KAZN: variants seen among roughly 807,000 people sequenced by gnomAD.
KAZN encodes the protein kazrin, periplakin interacting protein.
A neutral mutation model predicts 87.4 loss-of-function variants in KAZN; 40 were observed. That is an observed-to-expected ratio of 0.46 (90% CI 0.36 to 0.60). The LOEUF is 0.60. Ranked by LOEUF, KAZN falls within the 20% of genes least tolerant of loss-of-function variation. The pLI, the probability that KAZN is intolerant of heterozygous loss-of-function variation, is 0.00. For synonymous variants in KAZN, 466 were observed against 458.3 expected, an observed-to-expected ratio of 1.02 and a Z score of -0.22; for missense variants, 898 against 1,073.9, an observed-to-expected ratio of 0.84 and a Z score of 2.29.
intron 2 of KAZN, among the ~76,000 whole-genome samples, chr1:14,346,080 C>G (rs1380505098): frequency 2.6e-5 from 4 of 152,188 alleles, no homozygotes; most frequent in Admixed American, 2.6e-4. Context: ...CTAGAAGTTT[C>G]CTGCTGTGCA....
chr1:13,935,096 G>T lies in KAZN; in HGVS notation c.91+41340G>T, dbSNP rs540383898. Reference sequence around the variant, plus strand: ...TACTAAAGATAGAAAAATTAGCCAGGTGTGGTGGCAGGTGCCTGTAATCCC... The same window carrying T: ...TACTAAAGATAGAAAAATTAGCCAGTTGTGGTGGCAGGTGCCTGTAATCCC... On this transcript the variant is annotated intron_variant, in intron 1 of 16. Transcript: ENST00000636203. 6.8e-4 allele frequency among the ~76,000 whole-genome samples: 104 copies of T among 151,954 alleles called. 1 individual carries two copies. The highest frequency in any genetic ancestry group is 2.4e-3 in the African/African-American group (98 of 41,350).
At chr1:14,377,210 C>T (rs1660984489) in intron 2 of KAZN, among the ~76,000 whole-genome samples, 2 of 152,186 alleles carry the variant, frequency 1.3e-5, no homozygotes, top group South Asian at 4.1e-4. Flanking sequence ...AACATGAGGG[C>T]AGGAATCAAC....
Position 15,094,682 on chromosome 1 carries a change from TGTGCCCTGACCCCACTGTATGAAAG to T in KAZN, c.1429-129_1429-105del. Reference sequence around the variant, plus strand: ...CACATCAGAGTTGCAGAGGTTTCCATGTGCCCTGACCCCACTGTATGAAAGGTGGGCAGGAGATGGGGAAGGAGCC... The same window carrying T: ...CACATCAGAGTTGCAGAGGTTTCCATGTGGGCAGGAGATGGGGAAGGAGCC... On this transcript the variant is annotated intron_variant, in intron 9 of 14. Coordinates refer to ENST00000376030, the MANE Select transcript of KAZN (RefSeq NM_201628.3). The surrounding 1 kb of genome is among the most constrained non-coding windows in gnomAD (Gnocchi z 4.5). 1 of 674,408 alleles carries T rather than the reference TGTGCCCTGACCCCACTGTATGAAAG, an allele frequency of 1.5e-6. No individual in the cohort carries two copies. Among genetic ancestry groups the T allele is most frequent in the Non-Finnish European group, 2.5e-6 (1 of 398,650 alleles). The allele number at this position is 674,408 out of a possible 1,614,324, so 41.8% of individuals were successfully genotyped here.
rs1019996465 is a variant in KAZN at position 14,476,168 on chromosome 1, A to G, written c.250-122815A>G. 3.3e-5 allele frequency among the ~76,000 whole-genome samples: 5 copies of G among 152,202 alleles called. No individual in the cohort carries two copies. The South Asian group carries it at 1.0e-3, about 32-fold the overall frequency. Reference sequence around the variant, plus strand: ...TTTGATTTCAGTGCTGGGACTCTCTACTATTTCCCTAGGCTGCTCCTTGGT... The same window carrying G: ...TTTGATTTCAGTGCTGGGACTCTCTGCTATTTCCCTAGGCTGCTCCTTGGT... On this transcript the variant is annotated intron_variant, in intron 2 of 16. Transcript: ENST00000636203.
intron 1 of KAZN, among the ~76,000 whole-genome samples, chr1:14,707,964 G>C (rs1003402045): frequency 2.6e-5 from 4 of 151,906 alleles, no homozygotes; most frequent in African/African-American, 9.7e-5. Context: ...TGAATCACCC[G>C]GCCAAGCATT....
chr1:15,070,482 G>A (rs1002411811), intron 8 of KAZN, among the ~76,000 whole-genome samples: 3 of 152,160 alleles, frequency 2.0e-5, no homozygotes, highest in Non-Finnish European at 4.4e-5. Context: ...CTGAGGGGTA[G>A]TGCAGCCCCC....
intron 2 of KAZN, among the ~76,000 whole-genome samples, chr1:14,224,003 G>T (rs1225613328): frequency 5.3e-5 from 8 of 152,142 alleles, no homozygotes; most frequent in Admixed American, 5.2e-4. Context: ...AGGGCACAGG[G>T]CACTAGCTTC....
At chr1:13,955,095 A>G (rs1057234477) in intron 1 of KAZN, among the ~76,000 whole-genome samples, 5 of 152,190 alleles carry the variant, frequency 3.3e-5, no homozygotes, top group African/African-American at 4.8e-5. Flanking sequence ...ATTTTTGCAT[A>G]CCTGCACTTG....
At chr1:14,202,698 A>G (rs1344517308) in intron 2 of KAZN, among the ~76,000 whole-genome samples, 1 of 152,154 alleles carries the variant, frequency 6.6e-6, no homozygotes, top group Non-Finnish European at 1.5e-5. Context: ...CATATATTAC[A>G]GGTAAGTCAC....
chr1:14,453,318 G>T (rs1245836804), intron 2 of KAZN, among the ~76,000 whole-genome samples: 1 of 152,122 alleles, frequency 6.6e-6, no homozygotes, highest in Non-Finnish European at 1.5e-5. Flanking sequence ...ATGAGTAAAG[G>T]GAAATGTGTC....
intron 1 of KAZN, among the ~76,000 whole-genome samples, chr1:14,845,559 GTGGATGGATGGA>G (rs112956559): frequency 1.4e-4 from 21 of 145,434 alleles, no homozygotes; most frequent in South Asian, 2.2e-4. Flanking sequence ...AGATGGGTGG[GTGGATGGATGGA>G]TGGATGGATG....
intron 2 of KAZN, among the ~76,000 whole-genome samples, chr1:14,503,371 C>G (rs1263604718): frequency 6.6e-6 from 1 of 150,964 alleles, no homozygotes; most frequent in African/African-American, 2.4e-5. Context: ...GTGGTCCCAG[C>G]TACTCGGGAG....
intron 2 of KAZN, among the ~76,000 whole-genome samples, chr1:14,583,523 G>C (rs539743917): frequency 6.6e-6 from 1 of 152,326 alleles, no homozygotes; most frequent in South Asian, 2.1e-4. Flanking sequence ...GAGCTCCAGA[G>C]CTGGCCTTTC....
At chr1:14,237,420 C>A (rs1571103970) in intron 2 of KAZN, among the ~76,000 whole-genome samples, 2 of 152,096 alleles carry the variant, frequency 1.3e-5, no homozygotes, top group African/African-American at 4.8e-5. Flanking sequence ...CAATCATTGC[C>A]TCGTCACATG....
At chr1:14,380,454 A>G (rs1156477399) in intron 2 of KAZN, among the ~76,000 whole-genome samples, 4 of 152,264 alleles carry the variant, frequency 2.6e-5, no homozygotes, top group Admixed American at 2.0e-4. Context: ...AGAAACTTAA[A>G]GAAATTCAAG....
chr1:14,866,590 G>A (rs1176279831), intron 1 of KAZN, among the ~76,000 whole-genome samples: 1 of 152,192 alleles, frequency 6.6e-6, no homozygotes, highest in African/African-American at 2.4e-5. Context: ...AACTGGGCAT[G>A]GTGGCATGTA....
At chr1:13,949,588 A>C (rs1329588620) in intron 1 of KAZN, among the ~76,000 whole-genome samples, 1 of 152,298 alleles carries the variant, frequency 6.6e-6, no homozygotes. Flanking sequence ...GGCGATCATA[A>C]CAGCTCACAC....
chr1:14,754,485 T>G (rs1454668732), intron 1 of KAZN, among the ~76,000 whole-genome samples: 1 of 151,600 alleles, frequency 6.6e-6, no homozygotes, highest in African/African-American at 2.4e-5. Flanking sequence ...AGACAAAAAT[T>G]AGCCAGGCAT....
chr1:14,154,371 T>G (rs1645542735), intron 1 of KAZN, among the ~76,000 whole-genome samples: 1 of 152,228 alleles, frequency 6.6e-6, no homozygotes, highest in Non-Finnish European at 1.5e-5. Context: ...ACTGAATTTG[T>G]TTATCAATTC....
Sources: gnomAD v4.1 joint callset for allele counts (sites outside exome capture counted in the v4.1 genomes callset) on GRCh38, gnomAD v4.1.1 for gene constraint, Gnocchi (gnomAD v3.1) non-coding constraint, MANE v1.5 for transcripts, NCBI Gene and HGNC (gene_info 2026-07-23, HGNC 2026-07-21) for gene names.